The following SHF variants were observed in gnomAD, a reference collection of about 807,000 sequenced individuals.
The protein encoded by SHF is SH2 domain-containing adapter protein F.
SHF carries 30 observed loss-of-function variants against 42.4 expected under a neutral mutation model. The ratio of observed to expected loss-of-function variants is 0.71; its 90% CI spans 0.53 to 0.96. The LOEUF (loss-of-function observed/expected upper bound fraction) is 0.96, where lower values mean the gene tolerates loss of function less well. Ranked by LOEUF, SHF falls within the 40% of genes least tolerant of loss-of-function variation. The pLI is 0.00. For missense variants in SHF, 598 were observed against 634.0 expected (o/e 0.94, Z 0.61); for synonymous variants, 264 against 269.9 (o/e 0.98, Z 0.21).
intron 6 of SHF, 78 bp from the exon 7 acceptor site, chr15:45,168,211 A>G (rs1236792704): frequency 2.9e-6 from 4 of 1,374,932 alleles, no homozygotes; most frequent in Non-Finnish European, 3.9e-6. Flanking sequence ...AACCCTCCCC[A>G]ACCCTACAGC....
At position 45,167,831 on chromosome 15, in the gene SHF, G is replaced by A; in HGVS notation, c.*116C>T. On this transcript the variant is annotated 3_prime_UTR_variant, in exon 7 of 7. Coordinates refer to ENST00000690270, the MANE Select transcript of SHF (RefSeq NM_001394037.1). ...AATTAAGGAATCTCCAGCTTCTACT[G>A]GATCCCAGGAGAAGAAAGGTTTGAA... 5 of 1,026,052 alleles carry A rather than the reference G, an allele frequency of 4.9e-6. No homozygotes were observed. The highest frequency in any genetic ancestry group is 6.7e-6 in the Non-Finnish European group (5 of 751,018). 63.6% of individuals were successfully genotyped at this position (1,026,052 alleles called of 1,614,324 possible).
chr15:45,193,518 G>A (rs1468700910), intron 2 of SHF, among the ~76,000 whole-genome samples: 1 of 152,148 alleles, frequency 6.6e-6, no homozygotes, highest in Non-Finnish European at 1.5e-5. Context: ...GTTTAGTGAA[G>A]CAATAGGGCA....
intron 1 of SHF, among the ~76,000 whole-genome samples, chr15:45,184,918 G>A (rs1898310298): frequency 6.6e-6 from 1 of 152,218 alleles, no homozygotes; most frequent in South Asian, 2.1e-4. Flanking sequence ...TGCCAACTAC[G>A]GCAGTGGGTC....
exon 1 of SHF, chr15:45,201,036 G>A: frequency 2.8e-6 from 1 of 353,700 alleles, no homozygotes; most frequent in South Asian, 2.1e-5. Flanking sequence ...GCGGGTGAAC[G>A]TGGGTGCGGG....
Position 45,168,117 on chromosome 15 carries a change from T to C in SHF, c.1297A>G (p.Met433Val), listed in dbSNP as rs746719196. The change falls in exon 7 of 7, where the codon ATG becomes GTG. Residue 433 changes from methionine (M) to valine (V), a missense_variant. Physicochemically the swap from Met to Val is conservative, Grantham distance 21 (BLOSUM62 1). Coordinates refer to ENST00000690270, the MANE Select transcript of SHF (RefSeq NM_001394037.1). ...TTGGTTCGGGACAGCTTCATGTGCA[T>C]GAATCCCTGGCTGCTCCTGGGAAGA... ...SLSLKSSQGF[M>V]HMKLSRTKEH... The C allele has an allele frequency of 1.9e-6, 3 of 1,597,268 alleles. No individual in the cohort carries two copies. Among genetic ancestry groups the C allele is most frequent in the Non-Finnish European group, 2.6e-6 (3 of 1,169,552 alleles).
chr15:45,187,454 C>T lies in SHF; in HGVS notation c.498G>A (p.Arg166=), dbSNP rs1898486473. ...CATCCCGGCCCGGCGCGGCACTCAC[C>T]CTATCGCTGCTGGCGGGGGGTCCGG... ...RISGPPASSD[R]LAILEDYADP... is the part of the protein sequence containing the mutation. The change falls in exon 1 of 7, where the codon AGG becomes AGA. Residue 166 remains arginine (R), a splice_region_variant and synonymous_variant. Coordinates refer to ENST00000690270, the MANE Select transcript of SHF (RefSeq NM_001394037.1). 1.6e-6 allele frequency: 2 copies of T among 1,232,624 alleles called. No homozygotes were observed. The highest frequency in any genetic ancestry group is 2.0e-6 in the Non-Finnish European group (2 of 988,234). The allele number at this position is 1,232,624 out of a possible 1,614,324, so 76.4% of individuals were successfully genotyped here.
At chr15:45,196,172 A>G (rs546974463) in intron 2 of SHF, among the ~76,000 whole-genome samples, 1 of 141,878 alleles carries the variant, frequency 7.0e-6, no homozygotes, top group African/African-American at 2.6e-5. Flanking sequence ...ATCTCAGCTC[A>G]CTGCAACCTC....
intron 1 of SHF, among the ~76,000 whole-genome samples, chr15:45,185,543 C>T (rs1898344653): frequency 6.6e-6 from 1 of 152,238 alleles, no homozygotes; most frequent in East Asian, 1.9e-4. Context: ...CTGGGTCTTT[C>T]TCATCACACC....
At chr15:45,193,936 C>CA (rs776163657) in intron 2 of SHF, among the ~76,000 whole-genome samples, 451 of 125,112 alleles carry the variant, frequency 3.6e-3, no homozygotes, top group Middle Eastern at 0.017. Flanking sequence ...CCTTCTGTAC[C>CA]AAAAAAAAAA....
chr15:45,172,076 C>G, intron 5 of SHF, 71 bp downstream of exon 5: 2 of 1,613,840 alleles, frequency 1.2e-6, no homozygotes, highest in Non-Finnish European at 8.5e-7. Flanking sequence ...TTGTGGGTGT[C>G]CCCTGTAGGG....
intron 2 of SHF, among the ~76,000 whole-genome samples, chr15:45,197,249 T>TAA (rs144408027): frequency 1.6e-5 from 2 of 122,634 alleles, no homozygotes; most frequent in Non-Finnish European, 3.3e-5. Flanking sequence ...ACCTTGTCTC[T>TAA]AAAAAAAAAA....
At position 45,172,302 on chromosome 15, in the gene SHF, C is replaced by A; in HGVS notation, c.1005G>T (p.Pro335=). The A allele has an allele frequency of 6.2e-7, 1 of 1,605,712 alleles. No homozygotes were observed. Among genetic ancestry groups the A allele is most frequent in the Non-Finnish European group, 8.5e-7 (1 of 1,175,634 alleles). Residue 335 remains proline, a synonymous_variant, in exon 5 of 7, where the codon CCG becomes CCT. Transcript: ENST00000690270. ...GGCCAGGTGACAGGCAGCTCTTCTC[C>A]GGTCCTTCAAACTGGGCTGTGGGGA... ...LEDSSAQFEG[P]EKSCLSPGRE...
chr15:45,187,398 C>T (rs1009273402), intron 1 of SHF, 56 bp downstream of exon 1: 5 of 1,230,632 alleles, frequency 4.1e-6, no homozygotes, highest in African/African-American at 1.6e-5. Flanking sequence ...CTCTCGCAGC[C>T]TCCAGACCCC....
intron 2 of SHF, among the ~76,000 whole-genome samples, chr15:45,194,442 CCCGAGTT>C (rs1047414719): frequency 5.3e-5 from 8 of 151,982 alleles, no homozygotes; most frequent in African/African-American, 1.9e-4. Flanking sequence ...ACCTACACCT[CCCGAGTT>C]CCAGCGATTC....
At chr15:45,175,624 A>G (rs1264966956) in intron 2 of SHF, among the ~76,000 whole-genome samples, 199 bp from the exon 3 acceptor site, 1 of 152,142 alleles carries the variant, frequency 6.6e-6, no homozygotes. Flanking sequence ...GAGCCAATGA[A>G]GGCAAGGGCA....
At chr15:45,196,647 C>A (rs538471363) in intron 2 of SHF, among the ~76,000 whole-genome samples, 36 of 152,110 alleles carry the variant, frequency 2.4e-4, no homozygotes, top group Admixed American at 1.1e-3. Flanking sequence ...CCTGTAATCC[C>A]GGCACTTTGG....
chr15:45,170,275 A>G, intron 6 of SHF: 1 of 1,108,528 alleles, frequency 9.0e-7, no homozygotes, highest in Non-Finnish European at 1.2e-6. Flanking sequence ...ACCTCTTTGA[A>G]TTTATTTTCT....
intron 1 of SHF, among the ~76,000 whole-genome samples, chr15:45,183,416 CA>C (rs150066420): frequency 0.046 from 7,057 of 152,236 alleles, 572 homozygotes; most frequent in African/African-American, 0.16. Flanking sequence ...ACAAAAAGAC[CA>C]AATTTCTGAG....
At chr15:45,170,645 CTTTTTTTTTT>C (rs146136602) in intron 6 of SHF, 3 of 210,420 alleles carry the variant, frequency 1.4e-5, no homozygotes, top group Admixed American at 1.3e-4. Context: ...TTATCTTTTT[CTTTTTTTTTT>C]TTTTTTTTTT....
Sources: gnomAD v4.1 joint callset for allele counts (sites outside exome capture counted in the v4.1 genomes callset) on GRCh38, gnomAD v4.1.1 for gene constraint, MANE v1.5 for transcripts, NCBI Gene and HGNC (gene_info 2026-07-23, HGNC 2026-07-21) for gene names.